Variants in WFDC10A observed in about 807,000 individuals in gnomAD.
WFDC10A encodes the protein WAP four-disulfide core domain protein 10A.
In WFDC10A, 2 loss-of-function variants were observed where a neutral mutation model predicts 2.6. The observed-to-expected ratio is 0.76, with a 90% CI of 0.31 to 2.40. WFDC10A has a LOEUF of 2.40. WFDC10A is among the 30% of genes most tolerant of loss of function. WFDC10A has a pLI of 0.12. For missense variants in WFDC10A, 84 were observed against 91.8 expected, an observed-to-expected ratio of 0.92 and a Z score of 0.35; for synonymous variants, 36 against 36.3, an observed-to-expected ratio of 0.99 and a Z score of 0.03.
Position 45,631,176 on chromosome 20 carries a change from AC to A in WFDC10A, c.*160del. On this transcript the variant is annotated 3_prime_UTR_variant, in exon 2 of 2. Coordinates refer to ENST00000372643, the MANE Select transcript of WFDC10A (RefSeq NM_080753.3). ...TGAACCCCTTGTCCCTGTCAAATAA[AC>A]CAGAACAAATGCCCAGGGATCCTAC... 1.3e-6 allele frequency: 1 copy of A among 761,026 alleles called. No individual in the cohort carries two copies. The highest frequency in any genetic ancestry group is 1.9e-6 in the Non-Finnish European group (1 of 537,298). The allele number at this position is 761,026 out of a possible 1,614,324, so 47.1% of individuals were successfully genotyped here.
At position 45,629,768 on chromosome 20, in the gene WFDC10A, C is replaced by G. The variant is rs1982310074; in HGVS notation, c.-46C>G. ...TCCGTAGACAGCTCTGCAGGGAAGT[C>G]TGTGACAACCTGGCCAGACATAGGG... On this transcript the variant is annotated 5_prime_UTR_variant, in exon 1 of 2. Coordinates refer to ENST00000372643, the MANE Select transcript of WFDC10A (RefSeq NM_080753.3). 6.3e-7 allele frequency: 1 copy of G among 1,597,120 alleles called. No individual in the cohort carries two copies. Among genetic ancestry groups the G allele is most frequent in the South Asian group, 1.1e-5 (1 of 88,902 alleles).
At chr20:45,630,762 G>A (rs1982343448) in intron 1 of WFDC10A, 108 bp from the exon 2 acceptor site, 11 of 1,228,164 alleles carry the variant, frequency 9.0e-6, no homozygotes, top group Non-Finnish European at 1.2e-5. Context: ...AGGAATCCAG[G>A]AGTATCATGA....
At position 45,630,631 on chromosome 20, in the gene WFDC10A, A is replaced by G. The variant is rs1177438206; in HGVS notation, c.92-239A>G. On this transcript the variant is annotated intron_variant, in intron 1 of 1. Transcript: ENST00000372643. ...GAGTTCTGATTGCTGGTGTGTGGAG[A>G]AGGTCCAGGAAGCCCAGGCATTGTG... 2.0e-5 allele frequency among the ~76,000 whole-genome samples: 3 copies of G among 152,094 alleles called. 1 individual carries two copies. The highest frequency in any genetic ancestry group is 6.8e-3 in the Middle Eastern group (2 of 292).
Position 45,631,020 on chromosome 20 carries a change from T to A in WFDC10A, c.*2T>A, listed in dbSNP as rs1436435341. 1 of 1,594,262 alleles carries A rather than the reference T, an allele frequency of 6.3e-7. No individual in the cohort carries two copies. Among genetic ancestry groups the A allele is most frequent in the African/African-American group, 1.3e-5 (1 of 74,102 alleles). On this transcript the variant is annotated 3_prime_UTR_variant, in exon 2 of 2. Coordinates refer to ENST00000372643, the MANE Select transcript of WFDC10A (RefSeq NM_080753.3). ...AATGTTTGCATGAGCATCCTGTGAG[T>A]GGGAGAGTGGGCTGGGATGTGCATC...
Position 45,631,019 on chromosome 20 carries a change from G to T in WFDC10A, c.*1G>T, listed in dbSNP as rs1054107661. 1.3e-6 allele frequency: 2 copies of T among 1,594,262 alleles called. No individual in the cohort carries two copies. Among genetic ancestry groups the T allele is most frequent in the Non-Finnish European group, 8.5e-7 (1 of 1,170,424 alleles). ...GAATGTTTGCATGAGCATCCTGTGA[G>T]TGGGAGAGTGGGCTGGGATGTGCAT... is the stretch of plus-strand genomic sequence containing the variant. On this transcript the variant is annotated 3_prime_UTR_variant, in exon 2 of 2. Coordinates refer to ENST00000372643, the MANE Select transcript of WFDC10A (RefSeq NM_080753.3).
rs976200428 is a variant in WFDC10A, at chr20:45,631,109, C to A, written c.*91C>A. 24 of 1,418,574 alleles carry A rather than the reference C, an allele frequency of 1.7e-5. No homozygotes were observed. The highest frequency in any genetic ancestry group is 2.0e-4 in the Middle Eastern group (1 of 5,112). 87.9% of individuals were successfully genotyped at this position (1,418,574 alleles called of 1,614,324 possible). On this transcript the variant is annotated 3_prime_UTR_variant, in exon 2 of 2. Transcript: ENST00000372643. ...CCGAAGCACAAGGACCTCAAGTCAC[C>A]AGCATAAGAACATCAACAGGAATGC...
chr20:45,630,858 TCTC>T lies in WFDC10A; in HGVS notation c.92-9_92-7del. 2 of 1,588,354 alleles carry T rather than the reference TCTC, an allele frequency of 1.3e-6. No individual in the cohort carries two copies. Among genetic ancestry groups the T allele is most frequent in the Non-Finnish European group, 1.7e-6 (2 of 1,169,446 alleles). The stretch of plus-strand genomic sequence containing the variant: ...AAACTGCGTTTATTTACCGTTCTAT[TCTC>T]CTTGTCAGAAACACAGCTATCCCCA... On this transcript the variant is annotated splice_polypyrimidine_tract_variant and intron_variant, in intron 1 of 1. Transcript: ENST00000372643.
Position 45,629,770 on chromosome 20 carries a change from G to C in WFDC10A, c.-44G>C. The C allele has an allele frequency of 6.3e-7, 1 of 1,599,012 alleles. No individual in the cohort carries two copies. The highest frequency in any genetic ancestry group is 2.3e-5 in the East Asian group (1 of 44,252). On this transcript the variant is annotated 5_prime_UTR_variant, in exon 1 of 2. Coordinates refer to ENST00000372643, the MANE Select transcript of WFDC10A (RefSeq NM_080753.3). ...CGTAGACAGCTCTGCAGGGAAGTCT[G>C]TGACAACCTGGCCAGACATAGGGCT...
In WFDC10A at chr20:45,630,955, T is replaced by C. The variant is rs139643750; in HGVS notation, c.177T>C (p.Asp59=). ...LCKHLCESHR[D]CQANNICCST... The stretch of plus-strand genomic sequence containing the variant: ...AACACTTATGTGAATCTCACCGAGA[T>C]TGTCAAGCAAATAACATATGCTGTT... The change falls in exon 2 of 2, where the codon GAT becomes GAC. Residue 59 remains aspartate (D), a synonymous_variant. Transcript: ENST00000372643. 12 of 1,611,968 alleles carry C rather than the reference T, an allele frequency of 7.4e-6. No homozygotes were observed. The highest frequency in any genetic ancestry group is 1.0e-5 in the Non-Finnish European group (12 of 1,179,260).
Position 45,631,012 on chromosome 20 carries a change from C to A in WFDC10A, c.234C>A (p.Ile78=), listed in dbSNP as rs879202547. The change falls in exon 2 of 2, where the codon ATC becomes ATA. Residue 78 remains isoleucine (I), a synonymous_variant. Transcript: ENST00000372643. The part of the protein sequence containing the change: ...STYCGNVCMS[I]L ...ACTGTGGGAATGTTTGCATGAGCAT[C>A]CTGTGAGTGGGAGAGTGGGCTGGGA... The A allele has an allele frequency of 2.5e-6, 4 of 1,598,642 alleles. No individual in the cohort carries two copies. Among genetic ancestry groups the A allele is most frequent in the South Asian group, 2.3e-5 (2 of 88,292 alleles).
intron 1 of WFDC10A, among the ~76,000 whole-genome samples, chr20:45,630,176 G>A (rs933058906): frequency 2.6e-5 from 4 of 152,164 alleles, no homozygotes; most frequent in East Asian, 1.9e-4. Context: ...AGTGAAAGGC[G>A]CACCAGGGCT....
At position 45,630,970 on chromosome 20, in the gene WFDC10A, CAT is replaced by C. The variant is rs762308764; in HGVS notation, c.195_196del (p.Ile65MetfsTer48). The C allele has an allele frequency of 3.1e-6, 5 of 1,611,840 alleles. No homozygotes were observed. The East Asian group carries it at 8.9e-5, about 29-fold the overall frequency. On this transcript the variant is annotated frameshift_variant, in exon 2 of 2. Transcript: ENST00000372643. LOFTEE classifies it low-confidence loss of function (END_TRUNC). ...CTCACCGAGATTGTCAAGCAAATAA[CAT>C]ATGCTGTTCTACCTACTGTGGGAAT... Reference protein sequence around the residue: ...ESHRDCQANNICCSTYCGNVC... With the variant: ...ESHRDCQANNXCCSTYCGNVC...
At chr20:45,630,438 C>G (rs1412941217) in intron 1 of WFDC10A, among the ~76,000 whole-genome samples, 1 of 152,006 alleles carries the variant, frequency 6.6e-6, no homozygotes, top group African/African-American at 2.4e-5. Context: ...TGACAGTGAG[C>G]AGAAGAGAGG....
In WFDC10A at chr20:45,631,164, C is replaced by T. The variant is rs1982361401; in HGVS notation, c.*146C>T. ...CTCTCTACTGTCTGAACCCCTTGTC[C>T]CTGTCAAATAAACCAGAACAAATGC... On this transcript the variant is annotated 3_prime_UTR_variant, in exon 2 of 2. Transcript: ENST00000372643. 2 of 890,532 alleles carry T rather than the reference C, an allele frequency of 2.2e-6. No homozygotes were observed. The highest frequency in any genetic ancestry group is 3.1e-6 in the Non-Finnish European group (2 of 646,236). The allele number at this position is 890,532 out of a possible 1,614,324, so 55.2% of individuals were successfully genotyped here.
Position 45,630,932 on chromosome 20 carries a change from C to G in WFDC10A, c.154C>G (p.His52Asp), listed in dbSNP as rs1430168804. Residue 52 changes from histidine (H) to aspartate (D), a missense_variant, in exon 2 of 2, where the codon CAC becomes GAC. His to Asp is a moderately conservative substitution (Grantham distance 81, BLOSUM62 -1). Transcript: ENST00000372643. ...GCAGCCTAAACTATATCTATGCAAA[C>G]ACTTATGTGAATCTCACCGAGATTG... ...QQQPKLYLCK[H>D]LCESHRDCQA... is the part of the protein sequence containing the mutation. The G allele has an allele frequency of 6.2e-7, 1 of 1,612,502 alleles. No homozygotes were observed. Among genetic ancestry groups the G allele is most frequent in the Non-Finnish European group, 8.5e-7 (1 of 1,179,388 alleles).
chr20:45,630,004 C>A, intron 1 of WFDC10A, 100 bp downstream of exon 1: 12 of 1,484,352 alleles, frequency 8.1e-6, no homozygotes, highest in Non-Finnish European at 1.1e-5. Context: ...AAACTCTCTG[C>A]ATATCCAGCT....
In WFDC10A at chr20:45,631,086, G is replaced by A. The variant is rs555475592; in HGVS notation, c.*68G>A. The A allele has an allele frequency of 9.6e-6, 14 of 1,465,274 alleles. No homozygotes were observed. The highest frequency in any genetic ancestry group is 5.8e-5 in the African/African-American group (4 of 69,540). The allele number at this position is 1,465,274 out of a possible 1,614,324, so 90.8% of individuals were successfully genotyped here. A position where few individuals can be genotyped will look rare whatever the true frequency, so the allele number is the denominator to read the frequency against. The stretch of plus-strand genomic sequence containing the variant: ...TCTATCCAAGACTGTGCCCACATCC[G>A]AAGCACAAGGACCTCAAGTCACCAG... On this transcript the variant is annotated 3_prime_UTR_variant, in exon 2 of 2. Coordinates refer to ENST00000372643, the MANE Select transcript of WFDC10A (RefSeq NM_080753.3).
Position 45,631,138 on chromosome 20 carries a change from C to G in WFDC10A, c.*120C>G. ...ATAAGAACATCAACAGGAATGCCGC[C>G]CTCTCTACTGTCTGAACCCCTTGTC... On this transcript the variant is annotated 3_prime_UTR_variant, in exon 2 of 2. Transcript: ENST00000372643. 1 of 1,192,154 alleles carries G rather than the reference C, an allele frequency of 8.4e-7. No individual in the cohort carries two copies. Among genetic ancestry groups the G allele is most frequent in the Non-Finnish European group, 1.1e-6 (1 of 884,928 alleles). The allele number at this position is 1,192,154 out of a possible 1,614,324, so 73.8% of individuals were successfully genotyped here. A position where few individuals can be genotyped will look rare whatever the true frequency, so the allele number is the denominator to read the frequency against.
intron 1 of WFDC10A, among the ~76,000 whole-genome samples, chr20:45,630,413 G>A (rs539912776): frequency 9.2e-5 from 14 of 152,238 alleles, no homozygotes; most frequent in Admixed American, 7.2e-4. Context: ...GAAGGGGCAG[G>A]AAGACTAGAG....
Sources: allele counts gnomAD v4.1 joint callset (sites outside exome capture counted in the v4.1 genomes callset), GRCh38; gene constraint gnomAD v4.1.1; transcripts MANE v1.5; gene names NCBI Gene and HGNC (gene_info 2026-07-23, HGNC 2026-07-21).